DIDO1: variants seen among roughly 807,000 people sequenced by gnomAD.
DIDO1 encodes death-inducer obliterator 1.
A neutral mutation model predicts 99.4 loss-of-function variants in DIDO1; 16 were observed. The observed-to-expected ratio is 0.16, with a 90% CI of 0.11 to 0.24. The LOEUF is 0.24. Ranked by LOEUF, DIDO1 falls within the 10% of genes least tolerant of loss-of-function variation. The probability of loss-of-function intolerance (pLI) is 1.00; values close to 1 mark genes in which losing one functional copy is unlikely to be tolerated. For synonymous variants in DIDO1, 1,366 were observed against 1,239.1 expected, an observed-to-expected ratio of 1.10 and a Z score of -2.15; for missense variants, 2,996 against 3,014.0, an observed-to-expected ratio of 0.99 and a Z score of 0.14.
At position 62,907,373 on chromosome 20, in the gene DIDO1, C is replaced by G. The variant is rs1255851811; in HGVS notation, c.1162-14G>C. The stretch of plus-strand genomic sequence containing the variant: ...CGCCTCTATCACCTGCAGAACAAAA[C>G]AGATGACTTCAAACAATGTACTTGC... On this transcript the variant is annotated splice_polypyrimidine_tract_variant and intron_variant, in intron 4 of 15. Coordinates refer to ENST00000395343, the MANE Select transcript of DIDO1 (RefSeq NM_001193369.2). 6.2e-7 allele frequency: 1 copy of G among 1,611,286 alleles called. No individual in the cohort carries two copies. The highest frequency in any genetic ancestry group is 1.7e-5 in the Admixed American group (1 of 59,882).
chr20:62,902,256 A>G (rs1205907900), intron 6 of DIDO1, among the ~76,000 whole-genome samples: 1 of 152,224 alleles, frequency 6.6e-6, no homozygotes, highest in Non-Finnish European at 1.5e-5. Flanking sequence ...AAGTTTATAA[A>G]AAGTAAAACA....
chr20:62,929,692 A>AAAAAAAAAAAAAAAAAATAT, upstream of DIDO1, among the ~76,000 whole-genome samples: 2 of 63,710 alleles, frequency 3.1e-5, no homozygotes, highest in African/African-American at 1.5e-4. Flanking sequence ...AAAAAGAAAA[A>AAAAAAAAAAAAAAAAAATAT]GTGTATATAT....
chr20:62,902,411 G>A (rs1023412311), intron 6 of DIDO1, among the ~76,000 whole-genome samples: 10 of 152,258 alleles, frequency 6.6e-5, no homozygotes, highest in Non-Finnish European at 1.2e-4. Flanking sequence ...TGGTGGACAC[G>A]TAGAGTCTGA....
rs112034091 is a variant in DIDO1, at chr20:62,881,705, A to C, written c.4251T>G (p.Ala1417=). ...RHEVERAPEA[A]AAEREEVAYD... ...AGGCCACCTCTTCCCGCTCGGCTGC[A>C]GCTGCTTCAGGAGCCCTTTCCACCT... The change falls in exon 16 of 16, where the codon GCT becomes GCG. Residue 1417 remains alanine (A), a synonymous_variant. Transcript: ENST00000395343. The surrounding 1 kb of genome is among the most constrained non-coding windows in gnomAD (Gnocchi z 8.3). 359 of 1,612,906 alleles carry C rather than the reference A, an allele frequency of 2.2e-4. 2 individuals carry two copies. The African/African-American group carries it at 3.5e-3, about 16-fold the overall frequency.
In DIDO1 at chr20:62,909,953, G is replaced by T. The variant is rs1257646606; in HGVS notation, c.907C>A (p.Arg303=). The stretch of plus-strand genomic sequence containing the variant: ...CCATTCCTTTCCAAAAGCCTCCCTC[G>T]AGCCTCAGAAATGCCCACACAATCG... ...HGDCVGISEA[R]GRLLERNGED... Residue 303 remains arginine (R), a synonymous_variant, in exon 4 of 16, where the codon CGA becomes AGA. Transcript: ENST00000395343. The T allele has an allele frequency of 6.2e-7, 1 of 1,613,522 alleles. No individual in the cohort carries two copies. The highest frequency in any genetic ancestry group is 1.1e-5 in the South Asian group (1 of 91,078).
chr20:62,894,696 A>AATGAC lies in DIDO1; in HGVS notation c.2436+109_2436+113dup. 27 of 1,404,996 alleles carry AATGAC rather than the reference A, an allele frequency of 1.9e-5. No individual in the cohort carries two copies. Among genetic ancestry groups the AATGAC allele is most frequent in the Non-Finnish European group, 2.6e-5 (27 of 1,039,030 alleles). The allele number at this position is 1,404,996 out of a possible 1,614,324, so 87.0% of individuals were successfully genotyped here. On this transcript the variant is annotated intron_variant, in intron 10 of 15. Coordinates refer to ENST00000395343, the MANE Select transcript of DIDO1 (RefSeq NM_001193369.2). This position sits in a 1 kb window ranked among gnomAD's most constrained non-coding sequence, Gnocchi z 4.4. ...TAATACAAGGACTGAGGAATGCCAC[A>AATGAC]ATGACATACACCTGCTGTAAGCTCA...
chr20:62,922,101 TATATATATACACA>T (rs2065157541), intron 1 of DIDO1, among the ~76,000 whole-genome samples: 1 of 125,752 alleles, frequency 8.0e-6, no homozygotes, highest in Non-Finnish European at 1.6e-5. Context: ...ATATACACAC[TATATATATACACA>T]CACACACACA....
chr20:62,930,628 G>C (rs1267235552), upstream of DIDO1, among the ~76,000 whole-genome samples: 2 of 152,144 alleles, frequency 1.3e-5, no homozygotes, highest in Non-Finnish European at 2.9e-5. Context: ...TGGGAGGAGG[G>C]CATCACCCCC....
chr20:62,922,511 G>C (rs2065175006), intron 1 of DIDO1, among the ~76,000 whole-genome samples: 1 of 152,090 alleles, frequency 6.6e-6, no homozygotes. Flanking sequence ...GGGGGTGGGG[G>C]GGTACAGTGT....
At chr20:62,887,967 G>A (rs554789124) in intron 15 of DIDO1, 8 of 985,518 alleles carry the variant, frequency 8.1e-6, no homozygotes, top group Non-Finnish European at 2.4e-6. Context: ...AAATCATTAA[G>A]ATATGCAAGG....
chr20:62,893,797 G>A lies in DIDO1; in HGVS notation c.2970C>T (p.His990=). The A allele has an allele frequency of 6.2e-7, 1 of 1,614,174 alleles. No homozygotes were observed. The highest frequency in any genetic ancestry group is 8.5e-7 in the Non-Finnish European group (1 of 1,180,042). Residue 990 remains histidine (H), a synonymous_variant, in exon 12 of 16, where the codon CAC becomes CAT. Transcript: ENST00000395343. ...ASAASRPDST[H]MVEARQDVPK... is the part of the protein sequence containing the mutation. The stretch of plus-strand genomic sequence containing the variant: ...GCACATCCTGTCTGGCTTCCACCAT[G>A]TGGGTGCTGTCTGGGCGGGATGCTG...
chr20:62,883,185 A>C (rs2147356315), intron 15 of DIDO1, among the ~76,000 whole-genome samples: 2 of 151,710 alleles, frequency 1.3e-5, no homozygotes, highest in South Asian at 4.2e-4. Flanking sequence ...CGGCCTCCCA[A>C]AGTGCTGGGA....
chr20:62,915,046 C>G (rs1358913950), intron 1 of DIDO1, among the ~76,000 whole-genome samples: 1 of 152,186 alleles, frequency 6.6e-6, no homozygotes, highest in African/African-American at 2.4e-5. Flanking sequence ...TAGGTCCTTG[C>G]CCCAAAGCCG....
chr20:62,889,747 C>G, intron 15 of DIDO1: 2 of 985,454 alleles, frequency 2.0e-6, no homozygotes, highest in Non-Finnish European at 2.4e-6. Context: ...GGTGGCATCT[C>G]TTTATCCCAA....
At chr20:62,937,665 C>A in intron 1 of DIDO1, 3 of 394,724 alleles carry the variant, frequency 7.6e-6, no homozygotes, top group Admixed American at 8.8e-5. Context: ...ACCTCAGGGA[C>A]ACTAGCCCTG....
intron 1 of DIDO1, among the ~76,000 whole-genome samples, chr20:62,917,825 G>A (rs553787129): frequency 5.9e-5 from 9 of 152,188 alleles, no homozygotes; most frequent in Non-Finnish European, 1.3e-4. Context: ...CTGTGCCACC[G>A]ATGCAAATGT....
rs377028616 is a variant in DIDO1 at position 62,894,110 on chromosome 20, T to G, written c.2657A>C (p.Lys886Thr). ...ASVKKEDLKS[K>T]HDSSAPDPAP... ...TGGGTCAGGTGCAGAGCTGTCATGCTTTGATTTTAAGTCTTCTTTCTTAAC... is the reference window on the plus strand; with the variant it reads ...TGGGTCAGGTGCAGAGCTGTCATGCGTTGATTTTAAGTCTTCTTTCTTAAC... Residue 886 changes from lysine (K) to threonine (T), a missense_variant, in exon 12 of 16, where the codon AAG becomes ACG. Around this residue, in one of 5 missense-constraint regions of DIDO1, gnomAD observed 898 missense variants for 972.7 expected, o/e 0.92. Transcript: ENST00000395343. The surrounding 1 kb of genome is among the most constrained non-coding windows in gnomAD (Gnocchi z 4.4). 1 of 1,614,240 alleles carries G rather than the reference T, an allele frequency of 6.2e-7. No homozygotes were observed. Among genetic ancestry groups the G allele is most frequent in the Non-Finnish European group, 8.5e-7 (1 of 1,180,048 alleles).
Position 62,896,367 on chromosome 20 carries a change from T to C in DIDO1, c.2080A>G (p.Met694Val), listed in dbSNP as rs1162093103. Residue 694 changes from methionine (M) to valine (V), a missense_variant, in exon 8 of 16, where the codon ATG becomes GTG. Around this residue, in one of 5 missense-constraint regions of DIDO1, gnomAD observed 898 missense variants for 972.7 expected, o/e 0.92. Transcript: ENST00000395343. The surrounding 1 kb of genome is among the most constrained non-coding windows in gnomAD (Gnocchi z 4.4). The part of the protein sequence containing the change: ...KRVNDSDDLI[M>V]TENEVGKIAL... Reference sequence around the variant, plus strand: ...ATTTTTCCTACTTCGTTTTCTGTCATGATTAAGTCATCGCTGTCATTGACT... The same window carrying C: ...ATTTTTCCTACTTCGTTTTCTGTCACGATTAAGTCATCGCTGTCATTGACT... 1.2e-6 allele frequency: 2 copies of C among 1,614,130 alleles called. No homozygotes were observed. Among genetic ancestry groups the C allele is most frequent in the Middle Eastern group, 1.6e-4 (1 of 6,062 alleles).
chr20:62,886,619 G>A (rs754855438), intron 15 of DIDO1, among the ~76,000 whole-genome samples: 1 of 152,130 alleles, frequency 6.6e-6, no homozygotes, highest in Non-Finnish European at 1.5e-5. Context: ...ACCTGAGGCT[G>A]CAGGAAGACG....
Sources: allele counts gnomAD v4.1 joint callset (sites outside exome capture counted in the v4.1 genomes callset), GRCh38; gene constraint gnomAD v4.1.1; regional missense constraint gnomAD v4.1.1; non-coding constraint Gnocchi (gnomAD v3.1); transcripts MANE v1.5; gene names NCBI Gene and HGNC (gene_info 2026-07-23, HGNC 2026-07-21).